Variants in TRAPPC12 observed in about 807,000 individuals in gnomAD.
The protein encoded by TRAPPC12 is trafficking protein particle complex subunit 12, also known as TPR repeat protein 15.
In TRAPPC12, 61 loss-of-function variants were observed where a neutral mutation model predicts 69.2. The observed-to-expected ratio is 0.88, with a 90% CI of 0.72 to 1.09. The LOEUF (loss-of-function observed/expected upper bound fraction) is 1.09, where lower values mean the gene tolerates loss of function less well. Ranked by LOEUF, TRAPPC12 falls within the 50% of genes least tolerant of loss-of-function variation. TRAPPC12 has a pLI of 0.00. For missense variants in TRAPPC12, 1,101 were observed against 1,016.4 expected, an observed-to-expected ratio of 1.08 and a Z score of -1.13; for synonymous variants, 469 against 438.9, an observed-to-expected ratio of 1.07 and a Z score of -0.86.
intron 8 of TRAPPC12, among the ~76,000 whole-genome samples, chr2:3,465,132 A>G (rs1665737014): frequency 2.0e-5 from 3 of 152,262 alleles, no homozygotes; most frequent in Non-Finnish European, 4.4e-5. Flanking sequence ...CTTTACATGT[A>G]AAGGTTTGAC....
intron 8 of TRAPPC12, among the ~76,000 whole-genome samples, chr2:3,464,725 C>T (rs1159854536): frequency 1.3e-5 from 2 of 152,248 alleles, no homozygotes; most frequent in African/African-American, 2.4e-5. Flanking sequence ...CTGTGTCCCA[C>T]GTGACTTTGG....
At chr2:3,420,694 C>G (rs1461097270) in intron 3 of TRAPPC12, among the ~76,000 whole-genome samples, 1 of 152,192 alleles carries the variant, frequency 6.6e-6, no homozygotes, top group African/African-American at 2.4e-5. Context: ...AAATAAAGGA[C>G]TGCAGAACAA....
chr2:3,388,739 CCT>C, intron 2 of TRAPPC12, 69 bp downstream of exon 2: 1 of 1,396,022 alleles, frequency 7.2e-7, no homozygotes, highest in Non-Finnish European at 9.5e-7. Flanking sequence ...GCACAGTGCC[CCT>C]TTAGGGATGG....
intron 2 of TRAPPC12, among the ~76,000 whole-genome samples, chr2:3,392,922 T>G (rs1311094122): frequency 1.3e-5 from 2 of 152,222 alleles, no homozygotes; most frequent in African/African-American, 4.8e-5. Flanking sequence ...AGATAGGGAA[T>G]CAACCTAAGT....
chr2:3,475,785 C>T (rs551396058), intron 9 of TRAPPC12, among the ~76,000 whole-genome samples: 156 of 152,110 alleles, frequency 1.0e-3, no homozygotes, highest in Non-Finnish European at 1.7e-3. Flanking sequence ...AAAATTGTCT[C>T]ATCTTTCCAA....
intron 5 of TRAPPC12, among the ~76,000 whole-genome samples, chr2:3,435,359 A>G (rs1416377843): frequency 6.6e-6 from 1 of 152,226 alleles, no homozygotes; most frequent in Non-Finnish European, 1.5e-5. Flanking sequence ...ATGGCTCATT[A>G]ACATTTTTTT....
At position 3,438,654 on chromosome 2, in the gene TRAPPC12, C is replaced by T. The variant is rs1572162324; in HGVS notation, c.1418-5125C>T. Among the ~76,000 whole-genome samples, 7 of 151,754 alleles carry T rather than the reference C, an allele frequency of 4.6e-5. 1 individual carries two copies. The South Asian group carries it at 1.3e-3, about 27-fold the overall frequency. On this transcript the variant is annotated intron_variant, in intron 5 of 11. Coordinates refer to ENST00000324266, the MANE Select transcript of TRAPPC12 (RefSeq NM_016030.6). ...GTCTTTCCATTGTCTCCATAGTTTCCCCTTTTCCAAAGGTCTTATAGTTGG... is the reference window on the plus strand; with the variant it reads ...GTCTTTCCATTGTCTCCATAGTTTCTCCTTTTCCAAAGGTCTTATAGTTGG...
At position 3,388,537 on chromosome 2, in the gene TRAPPC12, G is replaced by A. The variant is rs758901544; in HGVS notation, c.914G>A (p.Arg305Gln). The change falls in exon 2 of 12, where the codon CGG (arginine) becomes CAG (glutamine). Residue 305 changes from arginine (R) to glutamine (Q), a missense_variant. Arg to Gln is a conservative substitution (Grantham distance 43). Transcript: ENST00000324266. ...GCCCTGAGCATGAGCGAGATGGACCGGAGGAACGACGCCTGGCTTCCCGGC... is the reference window on the plus strand; with the variant it reads ...GCCCTGAGCATGAGCGAGATGGACCAGAGGAACGACGCCTGGCTTCCCGGC... ...ATALSMSEMD[R>Q]RNDAWLPGEA... The A allele has an allele frequency of 6.2e-7, 1 of 1,613,066 alleles. No individual in the cohort carries two copies. The highest frequency in any genetic ancestry group is 8.5e-7 in the Non-Finnish European group (1 of 1,179,726).
chr2:3,415,005 G>A (rs2103499042), intron 3 of TRAPPC12, among the ~76,000 whole-genome samples: 1 of 152,292 alleles, frequency 6.6e-6, no homozygotes, highest in South Asian at 2.1e-4. Flanking sequence ...CAGATACGGA[G>A]GACCAACCAA....
intron 5 of TRAPPC12, among the ~76,000 whole-genome samples, chr2:3,428,755 A>G (rs574583143): frequency 1.3e-5 from 2 of 152,258 alleles, no homozygotes; most frequent in South Asian, 2.1e-4. Context: ...CCTCCTGCAC[A>G]CAGGAAGAAT....
At chr2:3,451,628 ATTC>A (rs1664854654) in intron 6 of TRAPPC12, among the ~76,000 whole-genome samples, 1 of 152,010 alleles carries the variant, frequency 6.6e-6, no homozygotes. Context: ...GGTTCAAGCA[ATTC>A]TTCTGCCTCG....
At chr2:3,462,762 A>G (rs1234436893) in intron 8 of TRAPPC12, 2 of 379,124 alleles carry the variant, frequency 5.3e-6, no homozygotes, top group Non-Finnish European at 1.1e-5. Context: ...GCACTGGCAG[A>G]CCATATGGAT....
In TRAPPC12 at chr2:3,388,043, A is replaced by T; in HGVS notation, c.420A>T (p.Pro140=). The change falls in exon 2 of 12, where the codon CCA becomes CCT. Residue 140 remains proline, a synonymous_variant. Coordinates refer to ENST00000324266, the MANE Select transcript of TRAPPC12 (RefSeq NM_016030.6). ...APRQDAAREV[P]GSEAARPEQE... is the part of the protein sequence containing the mutation. ...GGCAGGACGCGGCCCGCGAGGTCCC[A>T]GGCAGCGAAGCCGCGCGCCCGGAGC... The T allele has an allele frequency of 6.7e-7, 1 of 1,498,770 alleles. No homozygotes were observed. The allele number at this position is 1,498,770 out of a possible 1,614,324, so 92.8% of individuals were successfully genotyped here.
chr2:3,470,222 G>A (rs1666002209), intron 9 of TRAPPC12, among the ~76,000 whole-genome samples: 1 of 152,262 alleles, frequency 6.6e-6, no homozygotes, highest in African/African-American at 2.4e-5. Context: ...GTCAACCCTA[G>A]CGAGGAGGGA....
chr2:3,419,210 AG>A (rs1432068266), intron 3 of TRAPPC12, among the ~76,000 whole-genome samples: 1 of 152,230 alleles, frequency 6.6e-6, no homozygotes, highest in Non-Finnish European at 1.5e-5. Context: ...CCTTAGGCCT[AG>A]GGAACCAGGA....
At chr2:3,450,720 A>G (rs1572180014) in intron 6 of TRAPPC12, among the ~76,000 whole-genome samples, 1 of 152,136 alleles carries the variant, frequency 6.6e-6, no homozygotes, top group Non-Finnish European at 1.5e-5. Context: ...TCCAAAATCT[A>G]AGTCTCTCCA....
intron 5 of TRAPPC12, among the ~76,000 whole-genome samples, chr2:3,436,867 T>A (rs1358408320): frequency 7.0e-5 from 3 of 43,036 alleles, no homozygotes; most frequent in African/African-American, 9.7e-5. Flanking sequence ...CCATCACCCC[T>A]GGATTAATCT....
intron 9 of TRAPPC12, 114 bp from the exon 10 acceptor site, chr2:3,477,581 C>T (rs905148800): frequency 3.6e-6 from 2 of 562,690 alleles, no homozygotes; most frequent in African/African-American, 3.9e-5. Flanking sequence ...AAGTTTTCCT[C>T]TGCCTGACAT....
intron 5 of TRAPPC12, among the ~76,000 whole-genome samples, chr2:3,439,590 C>A (rs182820052): frequency 1.4e-3 from 220 of 152,132 alleles, no homozygotes; most frequent in African/African-American, 5.1e-3. Flanking sequence ...AATACAAGTT[C>A]TTTATCAGAT....
Sources: gnomAD v4.1 joint callset for allele counts (sites outside exome capture counted in the v4.1 genomes callset) on GRCh38, gnomAD v4.1.1 for gene constraint, MANE v1.5 for transcripts, NCBI Gene and HGNC (gene_info 2026-07-23, HGNC 2026-07-21) for gene names.